Variants in DEFB113 observed in about 807,000 individuals in gnomAD.
DEFB113 encodes the protein beta-defensin 113.
A neutral mutation model predicts 2.5 loss-of-function variants in DEFB113; 5 were observed. That is an observed-to-expected ratio of 1.99 (90% CI 1.04 to 4.18). The LOEUF (loss-of-function observed/expected upper bound fraction) is 4.18. DEFB113 is among the 30% of genes most tolerant of loss of function. The pLI, the probability that DEFB113 is intolerant of heterozygous loss-of-function variation, is 0.00. For synonymous variants in DEFB113, 42 were observed against 31.6 expected, an observed-to-expected ratio of 1.33 and a Z score of -1.11; for missense variants, 123 against 96.6, an observed-to-expected ratio of 1.27 and a Z score of -1.14.
At chr6:49,968,930 A>G in intron 1 of DEFB113, 63 bp from the exon 2 acceptor site, 2 of 1,433,646 alleles carry the variant, frequency 1.4e-6, no homozygotes, top group South Asian at 2.9e-5. Context: ...GAGATGAATA[A>G]ACTCTTTAAA....
At chr6:49,969,524 G>T in intron 1 of DEFB113, 44 bp downstream of exon 1, 1 of 1,347,312 alleles carries the variant, frequency 7.4e-7, no homozygotes, top group Non-Finnish European at 1.1e-6. Context: ...GCATTTATAA[G>T]AACATTTTGC....
intron 1 of DEFB113, among the ~76,000 whole-genome samples, 165 bp from the exon 2 acceptor site, chr6:49,969,032 A>G (rs970775732): frequency 1.3e-5 from 2 of 151,246 alleles, no homozygotes; most frequent in Non-Finnish European, 3.0e-5. Flanking sequence ...ATACTTATTT[A>G]TCTAACAATA....
Position 49,968,795 on chromosome 6 carries a change from G to A in DEFB113, c.131C>T (p.Pro44Leu), listed in dbSNP as rs201224982. The A allele has an allele frequency of 6.1e-5, 98 of 1,604,232 alleles. No homozygotes were observed. The highest frequency in any genetic ancestry group is 2.4e-4 in the African/African-American group (18 of 74,050). The stretch of plus-strand genomic sequence containing the variant: ...TACATATTCCCAGCTGTTGCATTCC[G>A]GCTTGCAAGCACCACGAACAAGCTG... ...ECQLVRGACK[P>L]ECNSWEYVYY... Residue 44 changes from proline (P) to leucine (L), a missense_variant, in exon 2 of 2, where the codon CCG (proline) becomes CTG (leucine). Transcript: ENST00000398718.
Position 49,968,686 on chromosome 6 carries a change from A to T in DEFB113, c.240T>A (p.His80Gln). The change falls in exon 2 of 2, where the codon CAT (histidine) becomes CAA (glutamine). Residue 80 changes from histidine to glutamine, a missense_variant. Coordinates refer to ENST00000398718, the MANE Select transcript of DEFB113 (RefSeq NM_001037729.1). ...PIINKITSKL[H>Q]QK ...GTTTTATAATTATAATTTATTTTTG[A>T]TGGAGTTTACTAGTGATTTTGTTAA... 1 of 1,465,504 alleles carries T rather than the reference A, an allele frequency of 6.8e-7. No individual in the cohort carries two copies. Among genetic ancestry groups the T allele is most frequent in the Non-Finnish European group, 9.0e-7 (1 of 1,105,594 alleles). 90.8% of individuals were successfully genotyped at this position (1,465,504 alleles called of 1,614,324 possible).
In DEFB113 at chr6:49,969,616, G is replaced by C; in HGVS notation, c.10C>G (p.Leu4Val). The change falls in exon 1 of 2, where the codon CTT becomes GTT. Residue 4 changes from leucine to valine, a missense_variant. Physicochemically the swap from Leu to Val is conservative, Grantham distance 32. Coordinates refer to ENST00000398718, the MANE Select transcript of DEFB113 (RefSeq NM_001037729.1). ...AAGACAAAGGTCAGAAAAATACAAA[G>C]TATCTTCATTGCTGATGCAGTTACA... MKI[L>V]CIFLTFVFTV... 6.2e-7 allele frequency: 1 copy of C among 1,605,658 alleles called. No homozygotes were observed. Among genetic ancestry groups the C allele is most frequent in the Non-Finnish European group, 8.5e-7 (1 of 1,174,242 alleles).
chr6:49,969,159 C>T lies in DEFB113; in HGVS notation c.59-292G>A, dbSNP rs985282440. On this transcript the variant is annotated intron_variant, in intron 1 of 1. Coordinates refer to ENST00000398718, the MANE Select transcript of DEFB113 (RefSeq NM_001037729.1). ...AAAAAGACATGGAAGAAATAGCCTA[C>T]ATGTTCTGTGTTCTAAATAATCATC... is the stretch of plus-strand genomic sequence containing the variant. 2.0e-5 allele frequency among the ~76,000 whole-genome samples: 3 copies of T among 151,044 alleles called. No homozygotes were observed. The South Asian group carries it at 6.2e-4, about 31-fold the overall frequency.
At chr6:49,968,889 C>T in intron 1 of DEFB113, 22 bp from the exon 2 acceptor site, 1 of 1,584,248 alleles carries the variant, frequency 6.3e-7, no homozygotes, top group Non-Finnish European at 8.6e-7. Context: ...TAGCTATGAC[C>T]ATAAGTCCAG....
chr6:49,968,678 T>G lies in DEFB113; in HGVS notation c.248A>C (p.Ter83SerextTer?). The change falls in exon 2 of 2, where the codon TAA (stop) becomes TCA (serine). Residue 83 changes from the stop codon to serine (S), a stop_lost. Transcript: ENST00000398718. ...NKITSKLHQK[*>S] Reference sequence around the variant, plus strand: ...TATACAGTGTTTTATAATTATAATTTATTTTTGATGGAGTTTACTAGTGAT... The same window carrying G: ...TATACAGTGTTTTATAATTATAATTGATTTTTGATGGAGTTTACTAGTGAT... 6.8e-6 allele frequency: 10 copies of G among 1,463,984 alleles called. No individual in the cohort carries two copies. Among genetic ancestry groups the G allele is most frequent in the Non-Finnish European group, 9.1e-6 (10 of 1,104,552 alleles). The allele number at this position is 1,463,984 out of a possible 1,614,324, so 90.7% of individuals were successfully genotyped here.
At chr6:49,969,226 G>T (rs1384932551) in intron 1 of DEFB113, among the ~76,000 whole-genome samples, 1 of 150,998 alleles carries the variant, frequency 6.6e-6, no homozygotes, top group Non-Finnish European at 1.5e-5. Flanking sequence ...CAATCATTAG[G>T]TTGGCTGTAA....
At chr6:49,969,001 C>T in intron 1 of DEFB113, 134 bp from the exon 2 acceptor site, 2 of 774,594 alleles carry the variant, frequency 2.6e-6, no homozygotes, top group Non-Finnish European at 3.8e-6. Flanking sequence ...TGAAATTTTT[C>T]CCTCTCTCAG....
Position 49,969,594 on chromosome 6 carries a change from A to G in DEFB113, c.32T>C (p.Val11Ala). 1 of 1,607,350 alleles carries G rather than the reference A, an allele frequency of 6.2e-7. No homozygotes were observed. Among genetic ancestry groups the G allele is most frequent in the Non-Finnish European group, 8.5e-7 (1 of 1,175,500 alleles). The change falls in exon 1 of 2, where the codon GTC becomes GCC. Residue 11 changes from valine to alanine, a missense_variant. Physicochemically the swap from Val to Ala is moderately conservative, Grantham distance 64 (BLOSUM62 0). Transcript: ENST00000398718. ...TGATGGACCACAAGACACAGTGAAG[A>G]CAAAGGTCAGAAAAATACAAAGTAT... MKILCIFLTF[V>A]FTVSCGPSVP...
chr6:49,969,618 A>G lies in DEFB113; in HGVS notation c.8T>C (p.Ile3Thr), dbSNP rs745480972. MK[I>T]LCIFLTFVFT... ...GACAAAGGTCAGAAAAATACAAAGT[A>G]TCTTCATTGCTGATGCAGTTACACT... is the stretch of plus-strand genomic sequence containing the variant. Residue 3 changes from isoleucine (I) to threonine (T), a missense_variant, in exon 1 of 2, where the codon ATA (isoleucine) becomes ACA (threonine). Ile to Thr is a moderately conservative substitution (Grantham distance 89). Coordinates refer to ENST00000398718, the MANE Select transcript of DEFB113 (RefSeq NM_001037729.1). 1.2e-6 allele frequency: 2 copies of G among 1,605,888 alleles called. No homozygotes were observed. The highest frequency in any genetic ancestry group is 3.4e-5 in the Admixed American group (2 of 59,542).
rs371990733 is a variant in DEFB113, at chr6:49,968,885, T to C, written c.59-18A>G. On this transcript the variant is annotated intron_variant, in intron 1 of 1. Transcript: ENST00000398718. ...CTGTGGAACTAGGAAAAAGTAGCTA[T>C]GACCATAAGTCCAGATTTAATATCC... 217 of 1,591,128 alleles carry C rather than the reference T, an allele frequency of 1.4e-4. No homozygotes were observed. Among genetic ancestry groups the C allele is most frequent in the Non-Finnish European group, 1.7e-4 (200 of 1,169,640 alleles).
intron 1 of DEFB113, among the ~76,000 whole-genome samples, chr6:49,969,123 A>G (rs1773593133): frequency 6.6e-6 from 1 of 151,082 alleles, no homozygotes; most frequent in Non-Finnish European, 1.5e-5. Context: ...TGCTTCCTCA[A>G]GAGTAAAGAG....
At chr6:49,968,955 C>G (rs1773590085) in intron 1 of DEFB113, 88 bp from the exon 2 acceptor site, 1 of 1,269,958 alleles carries the variant, frequency 7.9e-7, no homozygotes, top group Admixed American at 3.6e-5. Flanking sequence ...AGAGTTAAAC[C>G]ATTTTGTTTC....
In DEFB113 at chr6:49,969,622, T is replaced by C; in HGVS notation, c.4A>G (p.Lys2Glu). 6.2e-7 allele frequency: 1 copy of C among 1,605,110 alleles called. No homozygotes were observed. Among genetic ancestry groups the C allele is most frequent in the Non-Finnish European group, 8.5e-7 (1 of 1,173,692 alleles). The change falls in exon 1 of 2, where the codon AAG becomes GAG. Residue 2 changes from lysine to glutamate, a missense_variant. Coordinates refer to ENST00000398718, the MANE Select transcript of DEFB113 (RefSeq NM_001037729.1). The stretch of plus-strand genomic sequence containing the variant: ...AAGGTCAGAAAAATACAAAGTATCT[T>C]CATTGCTGATGCAGTTACACTTGAG... Reference protein sequence around the residue: MKILCIFLTFVF... With the variant: MEILCIFLTFVF...
chr6:49,969,478 C>A (rs538939535), intron 1 of DEFB113, 90 bp downstream of exon 1: 1 of 972,590 alleles, frequency 1.0e-6, no homozygotes, highest in Admixed American at 2.3e-5. Flanking sequence ...AATCTCCTAA[C>A]AATAATTTAT....
chr6:49,968,781 A>T lies in DEFB113; in HGVS notation c.145T>A (p.Trp49Arg), dbSNP rs1300883289. The T allele has an allele frequency of 1.9e-6, 3 of 1,604,780 alleles. No individual in the cohort carries two copies. The highest frequency in any genetic ancestry group is 2.6e-6 in the Non-Finnish European group (3 of 1,175,312). ...RGACKPECNS[W>R]EYVYYYCNVN... ...TTGCAGTAATAATATACATATTCCC[A>T]GCTGTTGCATTCCGGCTTGCAAGCA... Residue 49 changes from tryptophan to arginine, a missense_variant, in exon 2 of 2, where the codon TGG becomes AGG. Physicochemically the swap from Trp to Arg is moderately radical, Grantham distance 101. Transcript: ENST00000398718.
intron 1 of DEFB113, 60 bp from the exon 2 acceptor site, chr6:49,968,927 A>C: frequency 6.9e-7 from 1 of 1,448,024 alleles, no homozygotes; most frequent in Non-Finnish European, 9.2e-7. Flanking sequence ...ACAGAGATGA[A>C]TAAACTCTTT....
Sources: gnomAD v4.1 joint callset for allele counts (sites outside exome capture counted in the v4.1 genomes callset) on GRCh38, gnomAD v4.1.1 for gene constraint, MANE v1.5 for transcripts, NCBI Gene and HGNC (gene_info 2026-07-23, HGNC 2026-07-21) for gene names.